The following CEP57L1 variants were observed in gnomAD, a reference collection of about 807,000 sequenced individuals.
CEP57L1 encodes centrosomal protein CEP57L1.
A neutral mutation model predicts 61.0 loss-of-function variants in CEP57L1; 37 were observed. The ratio of observed to expected loss-of-function variants is 0.61; its 90% CI spans 0.47 to 0.80. The LOEUF is 0.80. Among genes scored for constraint, CEP57L1 ranks in the 30% least tolerant of loss-of-function variants. The pLI is 0.00. For missense variants in CEP57L1, 422 were observed against 524.7 expected, an observed-to-expected ratio of 0.80 and a Z score of 1.91; for synonymous variants, 137 against 162.3, an observed-to-expected ratio of 0.84 and a Z score of 1.19.
At chr6:109,107,940 CA>C (rs200695567) in intron 1 of CEP57L1, among the ~76,000 whole-genome samples, 1 of 150,104 alleles carries the variant, frequency 6.7e-6, no homozygotes, top group African/African-American at 2.5e-5. Context: ...GACTCTGTAT[CA>C]AAAAAAAGAA....
intron 4 of CEP57L1, among the ~76,000 whole-genome samples, chr6:109,153,538 G>A (rs961404931): frequency 2.0e-5 from 3 of 151,396 alleles, no homozygotes; most frequent in South Asian, 2.1e-4. Flanking sequence ...GAGCCACCAC[G>A]CCTGGCCTTT....
rs1222710747 is a variant in CEP57L1, at chr6:109,166,352, A to G, written c.*3382A>G. Among the ~76,000 whole-genome samples the G allele has an allele frequency of 6.6e-6, 1 of 151,706 alleles. No individual in the cohort carries two copies. The highest frequency in any genetic ancestry group is 1.5e-5 in the Non-Finnish European group (1 of 67,954). On this transcript the variant is annotated 3_prime_UTR_variant, in exon 11 of 11. Coordinates refer to ENST00000517392, the MANE Select transcript of CEP57L1 (RefSeq NM_001271852.3). ...GATGTGAGAGCTTTTCTTACTTTAA[A>G]AGTGTAATTTTAACTATAAATGTAT...
In CEP57L1 at chr6:109,150,257, A is replaced by G; in HGVS notation, c.462+18A>G. The G allele has an allele frequency of 6.3e-7, 1 of 1,583,686 alleles. No homozygotes were observed. Among genetic ancestry groups the G allele is most frequent in the Non-Finnish European group, 8.6e-7 (1 of 1,157,058 alleles). Reference sequence around the variant, plus strand: ...AACAACAGGTGAGCATATTTTCTATAAGGAATGATAATATAATTTTGTATG... The same window carrying G: ...AACAACAGGTGAGCATATTTTCTATGAGGAATGATAATATAATTTTGTATG... On this transcript the variant is annotated intron_variant, in intron 4 of 10. Coordinates refer to ENST00000517392, the MANE Select transcript of CEP57L1 (RefSeq NM_001271852.3).
In CEP57L1 at chr6:109,164,887, C is replaced by T. The variant is rs917132370; in HGVS notation, c.*1917C>T. 6.6e-6 allele frequency among the ~76,000 whole-genome samples: 1 copy of T among 152,014 alleles called. No homozygotes were observed. Among genetic ancestry groups the T allele is most frequent in the Middle Eastern group, 3.2e-3 (1 of 316 alleles). On this transcript the variant is annotated 3_prime_UTR_variant, in exon 11 of 11. Coordinates refer to ENST00000517392, the MANE Select transcript of CEP57L1 (RefSeq NM_001271852.3). ...ACGAGGTCAGGAGATTGAGACCATC[C>T]TGGCCAACATGTGAAACCCTGTCTC...
At chr6:109,120,905 GACACACGCACACACACAC>G (rs1349382608) in intron 1 of CEP57L1, among the ~76,000 whole-genome samples, 81 of 128,400 alleles carry the variant, frequency 6.3e-4, no homozygotes, top group African/African-American at 2.3e-3. Flanking sequence ...CCTATACTTA[GACACACGCACACACACAC>G]ACACACACAC....
At chr6:109,152,002 T>C (rs1772662590) in intron 4 of CEP57L1, among the ~76,000 whole-genome samples, 1 of 152,154 alleles carries the variant, frequency 6.6e-6, no homozygotes, top group Admixed American at 6.5e-5. Context: ...GATTCTTGAA[T>C]CTGTCAGTAT....
chr6:109,174,191 A>T lies in CEP57L1; in HGVS notation c.*11221A>T, dbSNP rs191676049. 6.6e-6 allele frequency among the ~76,000 whole-genome samples: 1 copy of T among 152,060 alleles called. No homozygotes were observed. Among genetic ancestry groups the T allele is most frequent in the South Asian group, 2.1e-4 (1 of 4,830 alleles). On this transcript the variant is annotated 3_prime_UTR_variant, in exon 11 of 11. Transcript: ENST00000517392. ...ATGGATATAAATTACAGTGTCTAAGATGGATACTTTACTCTTTTCTTTTGA... is the reference window on the plus strand; with the variant it reads ...ATGGATATAAATTACAGTGTCTAAGTTGGATACTTTACTCTTTTCTTTTGA...
At chr6:109,127,642 G>A (rs1583484740) in intron 1 of CEP57L1, among the ~76,000 whole-genome samples, 1 of 150,890 alleles carries the variant, frequency 6.6e-6, no homozygotes, top group East Asian at 1.9e-4. Flanking sequence ...TTTTTTTGGA[G>A]ACTGAGTCTC....
At position 109,159,147 on chromosome 6, in the gene CEP57L1, T is replaced by G. The variant is rs559499041; in HGVS notation, c.822+45T>G. Reference sequence around the variant, plus strand: ...AGATAGTCGTTCAAAAAAACTCCTGTTTTGTTGTAAGTGCTATTTAAATAT... The same window carrying G: ...AGATAGTCGTTCAAAAAAACTCCTGGTTTGTTGTAAGTGCTATTTAAATAT... On this transcript the variant is annotated intron_variant, in intron 8 of 10. Transcript: ENST00000517392. 1.9e-4 allele frequency: 308 copies of G among 1,613,888 alleles called. 1 individual carries two copies. The highest frequency in any genetic ancestry group is 1.5e-3 in the Admixed American group (91 of 59,966).
intron 1 of CEP57L1, chr6:109,100,162 T>C (rs1217385059): frequency 6.6e-6 from 1 of 152,198 alleles, no homozygotes; most frequent in Non-Finnish European, 1.5e-5. Flanking sequence ...TTGTTTTTGT[T>C]GATCATCTTA....
At chr6:109,106,423 A>T (rs576853706) in intron 1 of CEP57L1, among the ~76,000 whole-genome samples, 2 of 152,276 alleles carry the variant, frequency 1.3e-5, no homozygotes, top group African/African-American at 4.8e-5. Context: ...GATAGTGGGT[A>T]TCCTTGTTGT....
intron 7 of CEP57L1, chr6:109,158,805 G>A (rs142628422): frequency 4.2e-5 from 24 of 573,630 alleles, no homozygotes; most frequent in African/African-American, 3.8e-4. Flanking sequence ...GATGTGCAGT[G>A]ATATTTCACT....
intron 1 of CEP57L1, among the ~76,000 whole-genome samples, chr6:109,096,927 A>G (rs560629217): frequency 9.8e-5 from 15 of 152,320 alleles, no homozygotes; most frequent in African/African-American, 3.6e-4. Flanking sequence ...ATGACTCTCA[A>G]ATGAATAGCT....
rs971219003 is a variant in CEP57L1 at position 109,095,539 on chromosome 6, T to C, written c.-40T>C. 8 of 985,818 alleles carry C rather than the reference T, an allele frequency of 8.1e-6. No individual in the cohort carries two copies. The highest frequency in any genetic ancestry group is 9.6e-6 in the Non-Finnish European group (8 of 829,932). 61.1% of individuals were successfully genotyped at this position (985,818 alleles called of 1,614,324 possible). On this transcript the variant is annotated 5_prime_UTR_variant, in exon 1 of 11. Transcript: ENST00000517392. ...CCTGTGGGTGCCCGCGAACCAACGG[T>C]TAGCGGTGGCAGGGGCTGACTGAGA...
rs183184087 is a variant in CEP57L1 at position 109,142,825 on chromosome 6, T to G, written c.-3-2394T>G. ...TGTGATTTAGGTACTTCTCTGTATT[T>G]TCAGAAATTTTTCCCTAGAAATATT... On this transcript the variant is annotated intron_variant, in intron 1 of 10. Coordinates refer to ENST00000517392, the MANE Select transcript of CEP57L1 (RefSeq NM_001271852.3). Among the ~76,000 whole-genome samples the G allele has an allele frequency of 6.7e-4, 102 of 152,268 alleles. 1 individual carries two copies. Among genetic ancestry groups the G allele is most frequent in the Admixed American group, 4.1e-3 (63 of 15,288 alleles).
chr6:109,137,194 G>A (rs1364341454), intron 1 of CEP57L1, among the ~76,000 whole-genome samples: 3 of 151,928 alleles, frequency 2.0e-5, no homozygotes, highest in Non-Finnish European at 4.4e-5. Context: ...TTTAAGATGC[G>A]TATTTTCATT....
rs1164512524 is a variant in CEP57L1, at chr6:109,166,199, A to C, written c.*3229A>C. Among the ~76,000 whole-genome samples, 1 of 152,152 alleles carries C rather than the reference A, an allele frequency of 6.6e-6. No individual in the cohort carries two copies. Among genetic ancestry groups the C allele is most frequent in the Non-Finnish European group, 1.5e-5 (1 of 68,026 alleles). ...TTCAGTTTTCAACAATGTAAGATTA[A>C]AGTGGGAGATACTTAGTACATAGTA... On this transcript the variant is annotated 3_prime_UTR_variant, in exon 11 of 11. Transcript: ENST00000517392.
At chr6:109,160,457 G>C in intron 9 of CEP57L1, 115 bp from the exon 10 acceptor site, 1 of 755,688 alleles carries the variant, frequency 1.3e-6, no homozygotes, top group Non-Finnish European at 2.2e-6. Flanking sequence ...TGTTTTTAAA[G>C]GTTAATATTT....
chr6:109,097,556 T>C (rs540267696), intron 1 of CEP57L1, among the ~76,000 whole-genome samples: 43 of 152,362 alleles, frequency 2.8e-4, no homozygotes, highest in Non-Finnish European at 4.9e-4. Context: ...AACAAATCTC[T>C]GTTGAGTCCC....
Sources: allele counts gnomAD v4.1 joint callset (sites outside exome capture counted in the v4.1 genomes callset), GRCh38; gene constraint gnomAD v4.1.1; transcripts MANE v1.5; gene names NCBI Gene and HGNC (gene_info 2026-07-23, HGNC 2026-07-21).